The following SMARCA2 variants were observed in gnomAD, a reference collection of about 807,000 sequenced individuals.
The protein encoded by SMARCA2 is SWI/SNF related BAF chromatin remodeling complex subunit ATPase 2, also known as SWI/SNF-related matrix-associated actin-dependent regulator of chromatin subfamily A member 2.
A neutral mutation model predicts 199.8 loss-of-function variants in SMARCA2; 61 were observed. The ratio of observed to expected loss-of-function variants is 0.31; its 90% confidence interval spans 0.25 to 0.38. SMARCA2 has a LOEUF of 0.38. Ranked by LOEUF, SMARCA2 falls within the 10% of genes least tolerant of loss-of-function variation. The pLI is 1.00. For synonymous variants in SMARCA2, 935 were observed against 732.0 expected, an observed-to-expected ratio of 1.28 and a Z score of -4.48; for missense variants, 1,344 against 2,012.2, an observed-to-expected ratio of 0.67 and a Z score of 6.35.
chr9:2,156,895 A>G (rs1328635711), intron 27 of SMARCA2, among the ~76,000 whole-genome samples: 1 of 152,176 alleles, frequency 6.6e-6, no homozygotes, highest in African/African-American at 2.4e-5. Flanking sequence ...GCCGCTGGTA[A>G]CCACTGTTCT....
intron 5 of SMARCA2, among the ~76,000 whole-genome samples, chr9:2,050,476 G>T (rs1434544099): frequency 6.6e-6 from 1 of 152,088 alleles, no homozygotes; most frequent in Non-Finnish European, 1.5e-5. Flanking sequence ...ATGTTTGCCT[G>T]GAAGATGTAT....
At chr9:2,074,448 A>G (rs539845314) in intron 12 of SMARCA2, among the ~76,000 whole-genome samples, 1 of 152,358 alleles carries the variant, frequency 6.6e-6, no homozygotes, top group South Asian at 2.1e-4. Flanking sequence ...CAGGGTCTCA[A>G]GACTATGGCT....
Position 2,110,065 on chromosome 9 carries a change from C to G in SMARCA2, c.3293-189C>G, listed in dbSNP as rs1822929744. On this transcript the variant is annotated intron_variant, in intron 23 of 33. Coordinates refer to ENST00000349721, the MANE Select transcript of SMARCA2 (RefSeq NM_003070.5). The surrounding 1 kb of genome is among the most constrained non-coding windows in gnomAD (Gnocchi z 4.8). ...CTCATTAGAAATGTTTAAGCTGTTT[C>G]TTTCTTTTTTTTTGTAATTGCAAAA... Among the ~76,000 whole-genome samples the G allele has an allele frequency of 6.6e-6, 1 of 152,030 alleles. No individual in the cohort carries two copies.
At chr9:2,037,912 A>G (rs924531836) in intron 3 of SMARCA2, among the ~76,000 whole-genome samples, 1 of 152,190 alleles carries the variant, frequency 6.6e-6, no homozygotes, top group African/African-American at 2.4e-5. Context: ...GTTCAGTCAT[A>G]TGTCTTTCTA....
At position 2,161,222 on chromosome 9, in the gene SMARCA2, C is replaced by A. The variant is rs1825655284; in HGVS notation, c.3982-464C>A. On this transcript the variant is annotated intron_variant, in intron 27 of 33. Transcript: ENST00000349721. This position sits in a 1 kb window ranked among gnomAD's most constrained non-coding sequence, Gnocchi z 4.7. ...AATCATGAATAAATTGATGCAAAAC[C>A]TGAAGAAAAGGTCAAAGCTTATATG... Among the ~76,000 whole-genome samples the A allele has an allele frequency of 6.6e-6, 1 of 152,138 alleles. No homozygotes were observed. The highest frequency in any genetic ancestry group is 6.5e-5 in the Admixed American group (1 of 15,280).
chr9:2,059,401 C>G (rs1820488013), intron 8 of SMARCA2, among the ~76,000 whole-genome samples: 1 of 152,090 alleles, frequency 6.6e-6, no homozygotes, highest in Non-Finnish European at 1.5e-5. Flanking sequence ...ACTACTACAT[C>G]TTACTACCCT....
At position 2,073,388 on chromosome 9, in the gene SMARCA2, ATT is replaced by A. The variant is rs746725949; in HGVS notation, c.1877+49_1877+50del. 6 of 1,609,816 alleles carry A rather than the reference ATT, an allele frequency of 3.7e-6. No homozygotes were observed. In the East Asian group the frequency reaches 8.9e-5, roughly 24 times the overall value. ...TCATGGTGTTCTTTTAGCTTTTTAGATTTTGGTAATCTTGTACGATCTCGAAA... is the reference window on the plus strand; with the variant it reads ...TCATGGTGTTCTTTTAGCTTTTTAGATTGGTAATCTTGTACGATCTCGAAA... On this transcript the variant is annotated intron_variant, in intron 11 of 33. Coordinates refer to ENST00000349721, the MANE Select transcript of SMARCA2 (RefSeq NM_003070.5).
rs181711111 is a variant in SMARCA2 at position 2,177,554 on chromosome 9, A to C, written c.4254-4017A>C. Among the ~76,000 whole-genome samples the C allele has an allele frequency of 1.5e-3, 226 of 151,918 alleles. 1 individual carries two copies. Among genetic ancestry groups the C allele is most frequent in the Middle Eastern group, 3.4e-3 (1 of 294 alleles). ...GACATAACCAGTATTCTAGAAGTAG[A>C]TTTCTTTTTTTTTTTGAAACTGAGT... On this transcript the variant is annotated intron_variant, in intron 29 of 33. Transcript: ENST00000349721.
At chr9:2,065,372 T>C (rs1168388731) in intron 9 of SMARCA2, among the ~76,000 whole-genome samples, 1 of 152,246 alleles carries the variant, frequency 6.6e-6, no homozygotes, top group South Asian at 2.1e-4. Flanking sequence ...TCAGAATCTC[T>C]GAGGCAACAC....
Position 2,056,710 on chromosome 9 carries a change from G to A in SMARCA2, c.1212G>A (p.Thr404=), listed in dbSNP as rs377165505. The part of the protein sequence containing the change: ...QEVVACMRRD[T]TLETALNSKA... ...TGGTGGCCTGCATGCGCAGGGACAC[G>A]ACCCTGGAGACGGCTCTCAACTCCA... is the stretch of plus-strand genomic sequence containing the variant. Residue 404 remains threonine, a synonymous_variant, in exon 7 of 34, where the codon ACG becomes ACA. Transcript: ENST00000349721. This position sits in a 1 kb window ranked among gnomAD's most constrained non-coding sequence, Gnocchi z 4.0. 2.3e-5 allele frequency: 37 copies of A among 1,614,008 alleles called. No homozygotes were observed. Among genetic ancestry groups the A allele is most frequent in the African/African-American group, 4.0e-5 (3 of 74,924 alleles).
At position 2,169,656 on chromosome 9, in the gene SMARCA2, T is replaced by C. The variant is rs111424811; in HGVS notation, c.4200-763T>C. Among the ~76,000 whole-genome samples, 374 of 152,162 alleles carry C rather than the reference T, an allele frequency of 2.5e-3. 1 individual carries two copies. Among genetic ancestry groups the C allele is most frequent in the African/African-American group, 8.5e-3 (351 of 41,508 alleles). On this transcript the variant is annotated intron_variant, in intron 28 of 33. Transcript: ENST00000349721. This position sits in a 1 kb window ranked among gnomAD's most constrained non-coding sequence, Gnocchi z 6.5. ...ACAGGCTGTGAATCCCAAAGGGTGCTGTCTACACCTGGAGGGAGATCTAGA... is the reference window on the plus strand; with the variant it reads ...ACAGGCTGTGAATCCCAAAGGGTGCCGTCTACACCTGGAGGGAGATCTAGA...
intron 5 of SMARCA2, 184 bp downstream of exon 5, chr9:2,047,668 T>A (rs911155352): frequency 1.2e-5 from 7 of 604,514 alleles, no homozygotes; most frequent in Non-Finnish European, 1.7e-5. Context: ...GTTTTGAAGA[T>A]CAAAAGCCGA....
intron 27 of SMARCA2, among the ~76,000 whole-genome samples, chr9:2,144,768 C>G (rs1369046956): frequency 6.6e-6 from 1 of 152,120 alleles, no homozygotes. Context: ...GCAGCGAGGC[C>G]TCCAGAGGTC....
At chr9:2,033,289 T>A in intron 3 of SMARCA2, 1 of 513,280 alleles carries the variant, frequency 1.9e-6, no homozygotes, top group Non-Finnish European at 3.4e-6. Context: ...TCCTAGTAAT[T>A]TTACTAGCCA....
Position 2,039,705 on chromosome 9 carries a change from C to T in SMARCA2, c.595C>T (p.Pro199Ser). The change falls in exon 4 of 34, where the codon CCC becomes TCC. Residue 199 changes from proline to serine, a missense_variant. Transcript: ENST00000349721. This position sits in a 1 kb window ranked among gnomAD's most constrained non-coding sequence, Gnocchi z 4.8. The part of the protein sequence containing the change: ...YKMLARGQPL[P>S]ETLQLAVQGK... The stretch of plus-strand genomic sequence containing the variant: ...AATGCTGGCCCGAGGCCAGCCCCTC[C>T]CCGAAACGCTGCAGCTTGCAGTCCA... 6.2e-7 allele frequency: 1 copy of T among 1,614,002 alleles called. No individual in the cohort carries two copies.
At chr9:2,122,971 G>A (rs1823531478) in intron 26 of SMARCA2, among the ~76,000 whole-genome samples, 1 of 152,176 alleles carries the variant, frequency 6.6e-6, no homozygotes, top group African/African-American at 2.4e-5. Flanking sequence ...TGGGGAAGTA[G>A]GCATTTTGAA....
chr9:2,052,001 G>A (rs533961385), intron 5 of SMARCA2, among the ~76,000 whole-genome samples: 4 of 152,232 alleles, frequency 2.6e-5, no homozygotes, highest in South Asian at 2.1e-4. Context: ...TAAAAACCAC[G>A]GTAATAATCT....
At position 2,169,154 on chromosome 9, in the gene SMARCA2, G is replaced by A. The variant is rs892790004; in HGVS notation, c.4200-1265G>A. ...AACCTGCTCCTAATTGTCCCTACAA[G>A]ACACCCGTTCACCTGCCTCCTCACC... is the stretch of plus-strand genomic sequence containing the variant. On this transcript the variant is annotated intron_variant, in intron 28 of 33. Coordinates refer to ENST00000349721, the MANE Select transcript of SMARCA2 (RefSeq NM_003070.5). The surrounding 1 kb of genome is among the most constrained non-coding windows in gnomAD (Gnocchi z 6.5). Among the ~76,000 whole-genome samples, 2 of 152,112 alleles carry A rather than the reference G, an allele frequency of 1.3e-5. No homozygotes were observed. Among genetic ancestry groups the A allele is most frequent in the African/African-American group, 4.8e-5 (2 of 41,412 alleles).
At position 2,104,005 on chromosome 9, in the gene SMARCA2, C is replaced by T. The variant is rs751328072; in HGVS notation, c.3128C>T (p.Ala1043Val). 1 of 1,613,766 alleles carries T rather than the reference C, an allele frequency of 6.2e-7. No individual in the cohort carries two copies. The highest frequency in any genetic ancestry group is 8.5e-7 in the Non-Finnish European group (1 of 1,179,830). ...TTTTTGCATTTTTTTGGGTTCAGGG[C>T]TGAACTGTATCGGGCCTCAGGGAAG... is the stretch of plus-strand genomic sequence containing the variant. The part of the protein sequence containing the change: ...LGYSNGVING[A>V]ELYRASGKFE... Residue 1043 changes from alanine to valine, a missense_variant and splice_region_variant, in exon 23 of 34, where the codon GCT (alanine) becomes GTT (valine). Coordinates refer to ENST00000349721, the MANE Select transcript of SMARCA2 (RefSeq NM_003070.5). The surrounding 1 kb of genome is among the most constrained non-coding windows in gnomAD (Gnocchi z 4.0).
Sources: gnomAD v4.1 joint callset for allele counts (sites outside exome capture counted in the v4.1 genomes callset) on GRCh38, gnomAD v4.1.1 for gene constraint, Gnocchi (gnomAD v3.1) non-coding constraint, MANE v1.5 for transcripts, NCBI Gene and HGNC (gene_info 2026-07-23, HGNC 2026-07-21) for gene names.